SETBP1: variants seen among roughly 807,000 people sequenced by gnomAD.
SETBP1 encodes SET-binding protein.
In SETBP1, 9 loss-of-function variants were observed where a neutral mutation model predicts 101.0. That is an observed-to-expected ratio of 0.09 (90% CI 0.05 to 0.16). The LOEUF (loss-of-function observed/expected upper bound fraction) is 0.16, where lower values mean the gene tolerates loss of function less well. SETBP1 is among the 10% of genes least tolerant of loss of function. The pLI, the probability that SETBP1 is intolerant of heterozygous loss-of-function variation, is 1.00. For missense variants in SETBP1, 1,858 were observed against 2,033.8 expected, an observed-to-expected ratio of 0.91 and a Z score of 1.66; for synonymous variants, 818 against 788.5, an observed-to-expected ratio of 1.04 and a Z score of -0.63.
chr18:44,820,459 T>G (rs1345354847), intron 2 of SETBP1, among the ~76,000 whole-genome samples: 1 of 152,118 alleles, frequency 6.6e-6, no homozygotes, highest in African/African-American at 2.4e-5. Flanking sequence ...TCCAGCCTGG[T>G]GTATGTCTCT....
chr18:44,981,675 A>G (rs1276583501), intron 4 of SETBP1, among the ~76,000 whole-genome samples: 1 of 152,220 alleles, frequency 6.6e-6, no homozygotes, highest in Non-Finnish European at 1.5e-5. Context: ...TACCTTTTAC[A>G]TCAGAACCAC....
chr18:44,988,022 T>C (rs1433174974), intron 4 of SETBP1: 2 of 152,246 alleles, frequency 1.3e-5, no homozygotes, highest in Non-Finnish European at 2.9e-5. Context: ...TAAGCAATTC[T>C]TAACCTTTTT....
chr18:44,848,999 G>C (rs1010409809), intron 2 of SETBP1, among the ~76,000 whole-genome samples: 1 of 152,066 alleles, frequency 6.6e-6, no homozygotes, highest in Non-Finnish European at 1.5e-5. Context: ...CAAAAATCAA[G>C]GAAGAAAATC....
intron 2 of SETBP1, among the ~76,000 whole-genome samples, chr18:44,726,242 T>C (rs2144366081): frequency 6.6e-6 from 1 of 152,318 alleles, no homozygotes; most frequent in African/African-American, 2.4e-5. Flanking sequence ...TGATTTTCAT[T>C]CCAACAGTTC....
In SETBP1 at chr18:45,063,463, C is replaced by G. The variant is rs1216102483; in HGVS notation, c.4556C>G (p.Ala1519Gly). ...GCGGTCATCCACATGGCCCGGGAGG[C>G]GCCGCCCCTGCCCCCGCCACCGCCG... ...IEAVIHMARE[A>G]PPLPPPPPPP... Residue 1519 changes from alanine to glycine, a missense_variant, in exon 6 of 6, where the codon GCG (alanine) becomes GGG (glycine). Around this residue, in one of 12 missense-constraint regions of SETBP1, gnomAD observed 178 missense variants for 189.1 expected, o/e 0.94. Transcript: ENST00000649279. 6.8e-7 allele frequency: 1 copy of G among 1,470,034 alleles called. No homozygotes were observed. The highest frequency in any genetic ancestry group is 2.6e-5 in the Admixed American group (1 of 38,450). 91.1% of individuals were successfully genotyped at this position (1,470,034 alleles called of 1,614,324 possible). A position where few individuals can be genotyped will look rare whatever the true frequency, so the allele number is the denominator to read the frequency against.
At chr18:44,876,724 G>A in intron 3 of SETBP1, 3 of 1,543,902 alleles carry the variant, frequency 1.9e-6, no homozygotes, top group Non-Finnish European at 1.8e-6. Flanking sequence ...TTTTCACAGT[G>A]AACCTGCAGT....
chr18:45,063,345 G>A lies in SETBP1; in HGVS notation c.4438G>A (p.Asp1480Asn). 6.3e-7 allele frequency: 1 copy of A among 1,583,210 alleles called. No individual in the cohort carries two copies. The highest frequency in any genetic ancestry group is 8.6e-7 in the Non-Finnish European group (1 of 1,165,134). ...AATGCCGGTGCTGGAAAAATGCATC[G>A]ACCTGCCCAGCAAAAGAGGCCAGAA... The part of the protein sequence containing the change: ...DQMPVLEKCI[D>N]LPSKRGQKPS... The change falls in exon 6 of 6, where the codon GAC becomes AAC. Residue 1480 changes from aspartate (D) to asparagine (N), a missense_variant. Asp to Asn is a conservative substitution (Grantham distance 23). This residue lies in a region of SETBP1 where 178 missense variants were observed against 189.1 expected (regional missense o/e 0.94). Coordinates refer to ENST00000649279, the MANE Select transcript of SETBP1 (RefSeq NM_015559.3).
chr18:44,680,229 G>T (rs1234514229), upstream of SETBP1: 2 of 145,894 alleles, frequency 1.4e-5, no homozygotes, highest in Non-Finnish European at 1.5e-5. Context: ...GCGCCCGGGG[G>T]CCCCGGCGCC....
rs376235710 is a variant in SETBP1 at position 45,046,382 on chromosome 18, G to T, written c.4171+7727G>T. Among the ~76,000 whole-genome samples, 16 of 152,294 alleles carry T rather than the reference G, an allele frequency of 1.1e-4. No homozygotes were observed. In the East Asian group the frequency reaches 2.3e-3, roughly 22 times the overall value. ...AGAAGCAGCAAACCATCCTAAGAAA[G>T]TTCACCAGATGGAGCAACCTAGAAC... is the stretch of plus-strand genomic sequence containing the variant. On this transcript the variant is annotated intron_variant, in intron 5 of 5. Transcript: ENST00000649279.
At chr18:44,771,152 A>G (rs2070864029) in intron 2 of SETBP1, among the ~76,000 whole-genome samples, 1 of 151,568 alleles carries the variant, frequency 6.6e-6, no homozygotes, top group Admixed American at 6.6e-5. Flanking sequence ...CCCAGGATCC[A>G]CTCCAGATCT....
At chr18:44,965,161 T>G (rs1302815692) in intron 4 of SETBP1, among the ~76,000 whole-genome samples, 4 of 152,110 alleles carry the variant, frequency 2.6e-5, no homozygotes, top group Non-Finnish European at 5.9e-5. Context: ...AGGCAATAAA[T>G]TTTTCAAAGT....
At chr18:44,968,258 C>T (rs962867827) in intron 4 of SETBP1, among the ~76,000 whole-genome samples, 1 of 152,156 alleles carries the variant, frequency 6.6e-6, no homozygotes, top group East Asian at 1.9e-4. Context: ...CATACACACA[C>T]ACACACAATT....
At chr18:44,987,563 C>G (rs933989855) in intron 4 of SETBP1, 11 of 152,116 alleles carry the variant, frequency 7.2e-5, no homozygotes, top group Non-Finnish European at 1.5e-5. Context: ...TGGAAACAGC[C>G]AAATCACTTG....
intron 4 of SETBP1, among the ~76,000 whole-genome samples, chr18:44,990,426 T>G (rs1430759805): frequency 6.6e-6 from 1 of 152,002 alleles, no homozygotes; most frequent in African/African-American, 2.4e-5. Flanking sequence ...AGACCCTGTC[T>G]TTACAAAAAT....
rs2073989103 is a variant in SETBP1 at position 45,067,879 on chromosome 18, T to C, written c.*4181T>C. Reference sequence around the variant, plus strand: ...CTAATAAACACTAAAGGGGGGAAATTGAAAGGAGCTGCCAACTGGTCAACG... The same window carrying C: ...CTAATAAACACTAAAGGGGGGAAATCGAAAGGAGCTGCCAACTGGTCAACG... On this transcript the variant is annotated 3_prime_UTR_variant, in exon 6 of 6. Coordinates refer to ENST00000649279, the MANE Select transcript of SETBP1 (RefSeq NM_015559.3). 1 of 152,176 alleles carries C rather than the reference T, an allele frequency of 6.6e-6. No homozygotes were observed. The highest frequency in any genetic ancestry group is 2.1e-4 in the South Asian group (1 of 4,824). The allele number at this position is 152,176 out of a possible 1,614,324, so 9.4% of individuals were successfully genotyped here. A position where few individuals can be genotyped will look rare whatever the true frequency, so the allele number is the denominator to read the frequency against.
intron 3 of SETBP1, among the ~76,000 whole-genome samples, chr18:44,896,528 A>T (rs1463951769): frequency 6.6e-6 from 1 of 151,760 alleles, no homozygotes. Flanking sequence ...TGTTTGTTGG[A>T]TTTTTTCCGG....
At chr18:44,745,714 A>G (rs2070226909) in intron 2 of SETBP1, among the ~76,000 whole-genome samples, 2 of 152,190 alleles carry the variant, frequency 1.3e-5, no homozygotes, top group South Asian at 4.1e-4. Flanking sequence ...GAGGATCTCA[A>G]AATGGGGAGT....
chr18:44,904,599 TTGTAA>T (rs1055742181), intron 3 of SETBP1, among the ~76,000 whole-genome samples: 1 of 152,094 alleles, frequency 6.6e-6, no homozygotes, highest in African/African-American at 2.4e-5. Flanking sequence ...AGAGCACAGG[TTGTAA>T]TGAATCTGAC....
At chr18:44,736,723 G>A (rs750867910) in intron 2 of SETBP1, among the ~76,000 whole-genome samples, 2 of 152,120 alleles carry the variant, frequency 1.3e-5, no homozygotes, top group Non-Finnish European at 2.9e-5. Flanking sequence ...AAGTTTCTAC[G>A]TACAGTTCTC....
Sources: gnomAD v4.1 joint callset for allele counts (sites outside exome capture counted in the v4.1 genomes callset) on GRCh38, gnomAD v4.1.1 for gene constraint, gnomAD v4.1.1 regional missense constraint, MANE v1.5 for transcripts, NCBI Gene and HGNC (gene_info 2026-07-23, HGNC 2026-07-21) for gene names.